Variants in MAPK10 observed in about 807,000 individuals in gnomAD.
The protein encoded by MAPK10 is mitogen-activated protein kinase 10, also known as JNK3 alpha protein kinase.
In MAPK10, 25 loss-of-function variants were observed where a neutral mutation model predicts 59.3. The observed-to-expected ratio is 0.42, with a 90% confidence interval of 0.31 to 0.59. MAPK10 has a LOEUF of 0.59. Among genes scored for constraint, MAPK10 ranks in the 20% least tolerant of loss-of-function variants. The pLI is 0.15. For missense variants in MAPK10, 351 were observed against 568.9 expected, an observed-to-expected ratio of 0.62 and a Z score of 3.90; for synonymous variants, 190 against 200.5, an observed-to-expected ratio of 0.95 and a Z score of 0.44.
chr4:86,549,822 G>A (rs1759613505), intron 1 of MAPK10, among the ~76,000 whole-genome samples: 1 of 152,064 alleles, frequency 6.6e-6, no homozygotes, highest in Non-Finnish European at 1.5e-5. Context: ...TCCAGCCTGG[G>A]TGACAGCACA....
intron 11 of MAPK10, among the ~76,000 whole-genome samples, chr4:86,049,529 T>C (rs1462926292): frequency 6.6e-6 from 1 of 152,022 alleles, no homozygotes; most frequent in African/African-American, 2.4e-5. Context: ...ACTGATAACA[T>C]TTCCATTTTT....
intron 2 of MAPK10, among the ~76,000 whole-genome samples, chr4:86,230,114 C>A (rs1463630425): frequency 6.6e-6 from 1 of 152,092 alleles, no homozygotes; most frequent in Admixed American, 6.5e-5. Context: ...GTTGTCAGAT[C>A]TGAAAATAAT....
At chr4:86,216,282 C>CAT (rs113781575) in intron 2 of MAPK10, among the ~76,000 whole-genome samples, 7,444 of 141,284 alleles carry the variant, frequency 0.053, 522 homozygotes, top group African/African-American at 0.16. Context: ...AGCACACACA[C>CAT]ATATATATAT....
chr4:86,249,580 A>G (rs1215852803), intron 2 of MAPK10, among the ~76,000 whole-genome samples: 1 of 152,188 alleles, frequency 6.6e-6, no homozygotes, highest in Admixed American at 6.5e-5. Flanking sequence ...GTAAGAAGGC[A>G]GGAGAAAATA....
At chr4:86,546,150 G>T (rs1354861443) in intron 1 of MAPK10, among the ~76,000 whole-genome samples, 1 of 152,136 alleles carries the variant, frequency 6.6e-6, no homozygotes, top group Admixed American at 6.5e-5. Flanking sequence ...TTGAACCTGG[G>T]AGGCAGAGGC....
chr4:86,456,344 CA>C (rs1385710536), upstream of MAPK10, among the ~76,000 whole-genome samples: 1 of 151,528 alleles, frequency 6.6e-6, no homozygotes, highest in Non-Finnish European at 1.5e-5. Flanking sequence ...ACAACAACAA[CA>C]AAAAAGATAA....
chr4:86,563,723 A>G (rs757317612), intron 1 of MAPK10, among the ~76,000 whole-genome samples: 1 of 152,274 alleles, frequency 6.6e-6, no homozygotes, highest in East Asian at 1.9e-4. Flanking sequence ...TGGGAGGGTA[A>G]TATATACAGT....
intron 1 of MAPK10, among the ~76,000 whole-genome samples, chr4:86,452,075 A>G (rs1750786008): frequency 6.6e-6 from 1 of 152,222 alleles, no homozygotes; most frequent in Non-Finnish European, 1.5e-5. Flanking sequence ...CCTATAGCTG[A>G]TAAGTGTCAG....
chr4:86,133,729 G>A (rs1485213619), intron 4 of MAPK10, among the ~76,000 whole-genome samples: 1 of 152,166 alleles, frequency 6.6e-6, no homozygotes, highest in African/African-American at 2.4e-5. Context: ...CATCTTGCTG[G>A]TGGCTCCAAC....
intron 1 of MAPK10, among the ~76,000 whole-genome samples, chr4:86,417,544 T>C (rs1746007059): frequency 6.6e-6 from 1 of 152,230 alleles, no homozygotes; most frequent in African/African-American, 2.4e-5. Context: ...TTCAGCAGAA[T>C]TCATTTAACT....
At chr4:86,297,787 C>A (rs1445056877) in intron 2 of MAPK10, among the ~76,000 whole-genome samples, 1 of 152,094 alleles carries the variant, frequency 6.6e-6, no homozygotes, top group African/African-American at 2.4e-5. Context: ...CAAGAGTGAT[C>A]GATGTCAAAC....
chr4:86,333,605 T>C (rs2096206364), intron 2 of MAPK10, among the ~76,000 whole-genome samples: 1 of 152,166 alleles, frequency 6.6e-6, no homozygotes, highest in Non-Finnish European at 1.5e-5. Flanking sequence ...CTCCCTCTCT[T>C]CCCAGAGTTT....
At chr4:86,243,007 A>T (rs529405819) in intron 2 of MAPK10, among the ~76,000 whole-genome samples, 1 of 152,324 alleles carries the variant, frequency 6.6e-6, no homozygotes, top group African/African-American at 2.4e-5. Context: ...GGAAAAGCAC[A>T]GTTTTCCCAG....
chr4:86,375,410 C>T (rs951001793), intron 1 of MAPK10, among the ~76,000 whole-genome samples: 1 of 152,052 alleles, frequency 6.6e-6, no homozygotes, highest in African/African-American at 2.4e-5. Flanking sequence ...TGAAGTTCAA[C>T]TACCAAAACT....
chr4:86,358,486 T>TTCTG, intron 1 of MAPK10: 3 of 472,842 alleles, frequency 6.3e-6, no homozygotes, highest in Non-Finnish European at 8.3e-6. Context: ...GCAGGGCTGC[T>TTCTG]GTACAGACAC....
intron 3 of MAPK10, among the ~76,000 whole-genome samples, chr4:86,180,343 T>G (rs767728644): frequency 4.0e-5 from 6 of 151,428 alleles, no homozygotes; most frequent in Non-Finnish European, 7.4e-5. Context: ...TAAATGTTGG[T>G]GAGATATGGA....
At chr4:86,224,669 G>C (rs1356949785) in intron 2 of MAPK10, among the ~76,000 whole-genome samples, 1 of 152,146 alleles carries the variant, frequency 6.6e-6, no homozygotes, top group Non-Finnish European at 1.5e-5. Context: ...CAATGCTATT[G>C]ATTTAATTCA....
At chr4:86,464,691 G>A (rs1752040201) in intron 1 of MAPK10, among the ~76,000 whole-genome samples, 1 of 152,046 alleles carries the variant, frequency 6.6e-6, no homozygotes, top group Admixed American at 6.6e-5. Context: ...ATGGTGGCGG[G>A]CACCTCTAGT....
chr4:86,433,078 T>G (rs1748252972), intron 1 of MAPK10, among the ~76,000 whole-genome samples: 1 of 152,188 alleles, frequency 6.6e-6, no homozygotes, highest in African/African-American at 2.4e-5. Context: ...TTGTAGATTT[T>G]TCCAGAAATT....
Sources: gnomAD v4.1 joint callset for allele counts (sites outside exome capture counted in the v4.1 genomes callset) on GRCh38, gnomAD v4.1.1 for gene constraint, MANE v1.5 for transcripts, NCBI Gene and HGNC (gene_info 2026-07-23, HGNC 2026-07-21) for gene names.